WDR72: variants seen among roughly 807,000 people sequenced by gnomAD.
The protein encoded by WDR72 is WD repeat domain 72.
WDR72 carries 120 observed loss-of-function variants against 124.2 expected under a neutral mutation model. The observed-to-expected ratio is 0.97, with a 90% CI of 0.83 to 1.12. The LOEUF (loss-of-function observed/expected upper bound fraction) is 1.12. Among genes scored for constraint, WDR72 ranks in the 50% most tolerant of loss-of-function variants. The pLI, the probability that WDR72 is intolerant of heterozygous loss-of-function variation, is 0.00. For synonymous variants in WDR72, 452 were observed against 441.7 expected (o/e 1.02, Z -0.29); for missense variants, 1,387 against 1,278.8 (o/e 1.08, Z -1.29).
chr15:53,684,024 A>T (rs910144872), intron 13 of WDR72: 3 of 152,184 alleles, frequency 2.0e-5, no homozygotes, highest in African/African-American at 4.8e-5. Context: ...ATAATAAAGG[A>T]TATCAATTAA....
At chr15:53,640,645 T>C (rs928962118) in intron 14 of WDR72, among the ~76,000 whole-genome samples, 1 of 152,200 alleles carries the variant, frequency 6.6e-6, no homozygotes, top group Non-Finnish European at 1.5e-5. Context: ...CCAGCAAGTC[T>C]GTTTCAAAAC....
Position 53,597,108 on chromosome 15 carries a change from T to C in WDR72, c.3119A>G (p.Gln1040Arg), listed in dbSNP as rs202041109. Reference protein sequence around the residue: ...KLEWTEELELQCVRNTLPLQT... With the variant: ...KLEWTEELELRCVRNTLPLQT... Reference sequence around the variant, plus strand: ...CAGAGGCAAAGTGTTTCTAACACACTGTAACTCTAGTTCTTCTGTCCATTC... The same window carrying C: ...CAGAGGCAAAGTGTTTCTAACACACCGTAACTCTAGTTCTTCTGTCCATTC... Residue 1040 changes from glutamine (Q) to arginine (R), a missense_variant, in exon 18 of 20, where the codon CAG (glutamine) becomes CGG (arginine). Coordinates refer to ENST00000360509, the MANE Select transcript of WDR72 (RefSeq NM_182758.4). 2.2e-5 allele frequency: 36 copies of C among 1,613,728 alleles called. No homozygotes were observed. The highest frequency in any genetic ancestry group is 2.7e-5 in the Non-Finnish European group (32 of 1,179,864).
chr15:53,699,126 C>T (rs145366562), intron 13 of WDR72, among the ~76,000 whole-genome samples: 91 of 152,256 alleles, frequency 6.0e-4, no homozygotes, highest in African/African-American at 1.3e-3. Context: ...TACTCTCAAA[C>T]GAACTCCCCT....
At chr15:53,719,721 G>A (rs904394200) in intron 3 of WDR72, among the ~76,000 whole-genome samples, 2 of 152,136 alleles carry the variant, frequency 1.3e-5, no homozygotes, top group African/African-American at 4.8e-5. Context: ...CTTTGGAAAC[G>A]CAAGTTACTA....
At chr15:53,700,071 C>G in intron 12 of WDR72, 126 bp from the exon 13 acceptor site, 1 of 1,064,126 alleles carries the variant, frequency 9.4e-7, no homozygotes, top group Non-Finnish European at 1.4e-6. Flanking sequence ...AATGATATTT[C>G]TGCTTTCTAC....
chr15:53,552,749 T>G lies in WDR72; in HGVS notation c.3149-29427A>C, dbSNP rs567473287. 5.5e-4 allele frequency among the ~76,000 whole-genome samples: 83 copies of G among 152,268 alleles called. 1 individual carries two copies. In the South Asian group the frequency reaches 0.017, roughly 30 times the overall value. On this transcript the variant is annotated intron_variant, in intron 18 of 19. Coordinates refer to ENST00000360509, the MANE Select transcript of WDR72 (RefSeq NM_182758.4). ...GACTGCTTCCAAACATCCTCTGACT[T>G]GGAAGACAGTTACACATTTGTCTGT...
intron 13 of WDR72, among the ~76,000 whole-genome samples, chr15:53,675,200 G>A (rs61201312): frequency 0.22 from 33,082 of 151,852 alleles, 3,780 homozygotes; most frequent in East Asian, 0.28. Flanking sequence ...AAAATTAGCC[G>A]GGCATGGTGG....
In WDR72 at chr15:53,600,493, C is replaced by T. The variant is rs1020333185; in HGVS notation, c.2953-3219G>A. On this transcript the variant is annotated intron_variant, in intron 17 of 19. Coordinates refer to ENST00000360509, the MANE Select transcript of WDR72 (RefSeq NM_182758.4). Reference sequence around the variant, plus strand: ...ACAGATTAAAAATAAAGTTTACAAACTCATTGACTGGAAAGAGTCAGCTAC... The same window carrying T: ...ACAGATTAAAAATAAAGTTTACAAATTCATTGACTGGAAAGAGTCAGCTAC... 3.3e-5 allele frequency among the ~76,000 whole-genome samples: 5 copies of T among 152,090 alleles called. No homozygotes were observed. The East Asian group carries it at 7.7e-4, about 23-fold the overall frequency.
chr15:53,627,581 G>A (rs1416868534), intron 14 of WDR72, among the ~76,000 whole-genome samples: 2 of 152,118 alleles, frequency 1.3e-5, no homozygotes, highest in African/African-American at 4.8e-5. Flanking sequence ...TAACTCAGAA[G>A]CTTCAAATGA....
intron 18 of WDR72, among the ~76,000 whole-genome samples, chr15:53,531,295 C>G (rs537198501): frequency 1.5e-5 from 2 of 136,272 alleles, no homozygotes; most frequent in African/African-American, 5.0e-5. Flanking sequence ...TATATGATAA[C>G]GCAATCAGTA....
chr15:53,736,998 AACACACACACACACACACACACACAC>A (rs67659814), intron 1 of WDR72, among the ~76,000 whole-genome samples: 1,679 of 141,208 alleles, frequency 0.012, 37 homozygotes, highest in African/African-American at 0.041. Flanking sequence ...GTAGATGTAA[AACACACACACACACACACACACACAC>A]ACACACACAC....
intron 17 of WDR72, among the ~76,000 whole-genome samples, chr15:53,599,698 C>A (rs938670907): frequency 2.0e-5 from 3 of 152,132 alleles, no homozygotes; most frequent in African/African-American, 7.2e-5. Flanking sequence ...CTTATCACCC[C>A]AGAGGCATGC....
chr15:53,710,134 G>A (rs1210205619), intron 9 of WDR72, among the ~76,000 whole-genome samples: 10 of 152,142 alleles, frequency 6.6e-5, no homozygotes, highest in African/African-American at 2.2e-4. Context: ...TCTGCCAAAA[G>A]CATAATTATA....
chr15:53,595,308 C>T (rs1196997186), intron 18 of WDR72, among the ~76,000 whole-genome samples: 1 of 152,026 alleles, frequency 6.6e-6, no homozygotes, highest in Non-Finnish European at 1.5e-5. Context: ...TTTAAAGATG[C>T]ATTCTGGCCA....
intron 18 of WDR72, among the ~76,000 whole-genome samples, chr15:53,591,789 C>T (rs1185834464): frequency 6.6e-6 from 1 of 151,724 alleles, no homozygotes; most frequent in Non-Finnish European, 1.5e-5. Flanking sequence ...ATCTTGTTTT[C>T]TCAAGCTTGC....
At chr15:53,605,618 G>T (rs2013247108) in intron 17 of WDR72, among the ~76,000 whole-genome samples, 1 of 152,238 alleles carries the variant, frequency 6.6e-6, no homozygotes, top group Non-Finnish European at 1.5e-5. Flanking sequence ...ACTTTGGGAG[G>T]CCAAGGCGGG....
chr15:53,675,444 C>G (rs1443598837), intron 13 of WDR72, among the ~76,000 whole-genome samples: 1 of 151,960 alleles, frequency 6.6e-6, no homozygotes, highest in Non-Finnish European at 1.5e-5. Context: ...TATTCACAGC[C>G]AAGTGTTTCT....
intron 18 of WDR72, among the ~76,000 whole-genome samples, chr15:53,537,584 G>A (rs1390826277): frequency 6.6e-6 from 1 of 152,060 alleles, no homozygotes; most frequent in African/African-American, 2.4e-5. Flanking sequence ...CAATAGTGAT[G>A]GTGCCTACCA....
At chr15:53,698,927 C>T (rs901343644) in intron 13 of WDR72, among the ~76,000 whole-genome samples, 2 of 152,110 alleles carry the variant, frequency 1.3e-5, no homozygotes, top group Admixed American at 6.5e-5. Context: ...TAGGTTGCAC[C>T]CTCTAAACAC....
Sources: gnomAD v4.1 joint callset for allele counts (sites outside exome capture counted in the v4.1 genomes callset) on GRCh38, gnomAD v4.1.1 for gene constraint, MANE v1.5 for transcripts, NCBI Gene and HGNC (gene_info 2026-07-23, HGNC 2026-07-21) for gene names.